Variants in AGAP1 observed in about 807,000 individuals in gnomAD.
AGAP1 encodes the protein arf-GAP with GTPase, ANK repeat and PH domain-containing protein 1.
AGAP1 carries 29 observed loss-of-function variants against 105.3 expected under a neutral mutation model. The ratio of observed to expected loss-of-function variants is 0.28; its 90% CI spans 0.21 to 0.38. The LOEUF is 0.38. Among genes scored for constraint, AGAP1 ranks in the 10% least tolerant of loss-of-function variants. The pLI is 1.00. For missense variants in AGAP1, 998 were observed against 1,165.1 expected (o/e 0.86, Z 2.09); for synonymous variants, 509 against 485.9 (o/e 1.05, Z -0.63).
chr2:235,936,708 G>C lies in AGAP1; in HGVS notation c.1483+5785G>C, dbSNP rs2053009292. Among the ~76,000 whole-genome samples, 1 of 152,160 alleles carries C rather than the reference G, an allele frequency of 6.6e-6. No homozygotes were observed. Among genetic ancestry groups the C allele is most frequent in the Non-Finnish European group, 1.5e-5 (1 of 68,038 alleles). Reference sequence around the variant, plus strand: ...GATACTGCCGGTCTCTGACCTGGAAGCTTCTTTGATGGGAGGGTATCAGTG... The same window carrying C: ...GATACTGCCGGTCTCTGACCTGGAACCTTCTTTGATGGGAGGGTATCAGTG... On this transcript the variant is annotated intron_variant, in intron 12 of 17. Coordinates refer to ENST00000304032, the MANE Select transcript of AGAP1 (RefSeq NM_001037131.3). This position sits in a 1 kb window ranked among gnomAD's most constrained non-coding sequence, Gnocchi z 4.7.
At chr2:235,616,839 A>G (rs1257949947) in intron 1 of AGAP1, among the ~76,000 whole-genome samples, 2 of 152,232 alleles carry the variant, frequency 1.3e-5, no homozygotes, top group Non-Finnish European at 2.9e-5. Flanking sequence ...ACACTTAGGA[A>G]ACGTACTTTT....
chr2:235,515,843 A>C (rs1942355743), intron 1 of AGAP1, among the ~76,000 whole-genome samples: 2 of 152,164 alleles, frequency 1.3e-5, no homozygotes, highest in Admixed American at 1.3e-4. Context: ...CAAATGCTAG[A>C]GGATGGTGTT....
At chr2:235,825,570 T>C (rs1959019445) in intron 9 of AGAP1, among the ~76,000 whole-genome samples, 1 of 152,296 alleles carries the variant, frequency 6.6e-6, no homozygotes, top group East Asian at 1.9e-4. Flanking sequence ...CTTTTAAAAG[T>C]AGATGGTAGT....
intron 1 of AGAP1, among the ~76,000 whole-genome samples, chr2:235,563,860 C>G (rs956799620): frequency 6.6e-6 from 1 of 152,100 alleles, no homozygotes; most frequent in Non-Finnish European, 1.5e-5. Flanking sequence ...GGTCTTGTTA[C>G]CCTCTTTTAC....
intron 16 of AGAP1, among the ~76,000 whole-genome samples, chr2:236,093,290 C>T (rs897296857): frequency 3.3e-5 from 5 of 152,150 alleles, no homozygotes; most frequent in Non-Finnish European, 5.9e-5. Flanking sequence ...GATATTCCAC[C>T]TCAAGGTGTC....
In AGAP1 at chr2:235,883,952, A is replaced by G. The variant is rs6759513; in HGVS notation, c.1155+503A>G. On this transcript the variant is annotated intron_variant, in intron 10 of 17. Coordinates refer to ENST00000304032, the MANE Select transcript of AGAP1 (RefSeq NM_001037131.3). The surrounding 1 kb of genome is among the most constrained non-coding windows in gnomAD (Gnocchi z 4.5). Reference sequence around the variant, plus strand: ...TCCTCTTTGTGTTATATGTAAGTTTATGTTACATATAAGTTTGTTATATCC... The same window carrying G: ...TCCTCTTTGTGTTATATGTAAGTTTGTGTTACATATAAGTTTGTTATATCC... Among the ~76,000 whole-genome samples the G allele has an allele frequency of 0.029, 4,429 of 152,296 alleles. 199 individuals carry two copies. The highest frequency in any genetic ancestry group is 0.095 in the African/African-American group (3,946 of 41,544).
At chr2:235,922,963 C>T (rs1036751741) in intron 11 of AGAP1, among the ~76,000 whole-genome samples, 1 of 152,172 alleles carries the variant, frequency 6.6e-6, no homozygotes, top group African/African-American at 2.4e-5. Flanking sequence ...TGGAAGCTTG[C>T]ACTAATCAAG....
At chr2:235,817,865 TG>T (rs1451431925) in intron 9 of AGAP1, among the ~76,000 whole-genome samples, 2 of 152,216 alleles carry the variant, frequency 1.3e-5, no homozygotes, top group African/African-American at 4.8e-5. Flanking sequence ...CACTCCAGCC[TG>T]GGCAACAGAG....
chr2:235,746,856 C>A (rs936670049), intron 5 of AGAP1, among the ~76,000 whole-genome samples: 4 of 152,066 alleles, frequency 2.6e-5, no homozygotes, highest in African/African-American at 7.2e-5. Context: ...GTGAAGTTCC[C>A]AGCCTGGAAA....
intron 16 of AGAP1, among the ~76,000 whole-genome samples, chr2:236,106,712 C>T (rs557355635): frequency 6.6e-6 from 1 of 152,278 alleles, no homozygotes; most frequent in Admixed American, 6.5e-5. Flanking sequence ...GCTCATTTTC[C>T]CACCTGCGTA....
In AGAP1 at chr2:236,046,136, A is replaced by G. The variant is rs2057711628; in HGVS notation, c.1892-2923A>G. On this transcript the variant is annotated intron_variant, in intron 15 of 17. Transcript: ENST00000304032. The surrounding 1 kb of genome is among the most constrained non-coding windows in gnomAD (Gnocchi z 5.2). ...GGCGGTGGGGTGGGCATAGGAACCA[A>G]ATCGGAGGTTCTGGTAAGAGCTTAG... 4.3e-5 allele frequency: 18 copies of G among 420,942 alleles called. No individual in the cohort carries two copies. Among genetic ancestry groups the G allele is most frequent in the South Asian group, 3.1e-4 (18 of 57,746 alleles). 26.1% of individuals were successfully genotyped at this position (420,942 alleles called of 1,614,324 possible). A position where few individuals can be genotyped will look rare whatever the true frequency, so the allele number is the denominator to read the frequency against.
Position 235,714,797 on chromosome 2 carries a change from T to C in AGAP1, c.223-2760T>C, listed in dbSNP as rs1951017994. On this transcript the variant is annotated intron_variant, in intron 2 of 17. Transcript: ENST00000304032. The surrounding 1 kb of genome is among the most constrained non-coding windows in gnomAD (Gnocchi z 4.1). ...TATGTTTGTTTGTTTTCTTTTTTGT[T>C]GTTGTTTTTGTTTTGTTTTGAGACA... 6.6e-6 allele frequency among the ~76,000 whole-genome samples: 1 copy of C among 152,086 alleles called. No homozygotes were observed. The highest frequency in any genetic ancestry group is 2.4e-5 in the African/African-American group (1 of 41,412).
chr2:235,543,091 T>TCC (rs1316081391), intron 1 of AGAP1, among the ~76,000 whole-genome samples: 115 of 39,954 alleles, frequency 2.9e-3, no homozygotes, highest in Admixed American at 5.7e-3. Flanking sequence ...TCCCGCCTCC[T>TCC]CCCCCTCCCC....
At chr2:236,098,184 C>A (rs2059242569) in intron 16 of AGAP1, among the ~76,000 whole-genome samples, 1 of 152,188 alleles carries the variant, frequency 6.6e-6, no homozygotes, top group South Asian at 2.1e-4. Flanking sequence ...GCTTTCGATT[C>A]TTTTGGGTAT....
rs186358354 is a variant in AGAP1 at position 236,028,766 on chromosome 2, G to T, written c.1646-7795G>T. On this transcript the variant is annotated intron_variant, in intron 13 of 17. Coordinates refer to ENST00000304032, the MANE Select transcript of AGAP1 (RefSeq NM_001037131.3). ...AAAAGCAGTTACAGTGGGTGTCCTTGTCTTGAGCATCCTGTAACTGAGTGT... is the reference window on the plus strand; with the variant it reads ...AAAAGCAGTTACAGTGGGTGTCCTTTTCTTGAGCATCCTGTAACTGAGTGT... Among the ~76,000 whole-genome samples the T allele has an allele frequency of 1.1e-3, 161 of 152,270 alleles. 1 individual carries two copies. In the East Asian group the frequency reaches 0.029, roughly 27 times the overall value.
rs1162223127 is a variant in AGAP1 at position 235,994,941 on chromosome 2, C to T, written c.1645+26318C>T. 1.3e-5 allele frequency among the ~76,000 whole-genome samples: 2 copies of T among 150,546 alleles called. No homozygotes were observed. The highest frequency in any genetic ancestry group is 3.0e-5 in the Non-Finnish European group (2 of 67,654). ...CATTAGCCAAGCGTGGTGGTAGGCG[C>T]CTGTAATCGCAGCTACTTGGGAGGC... is the stretch of plus-strand genomic sequence containing the variant. On this transcript the variant is annotated intron_variant, in intron 13 of 17. Transcript: ENST00000304032. The surrounding 1 kb of genome is among the most constrained non-coding windows in gnomAD (Gnocchi z 4.4).
intron 1 of AGAP1, chr2:235,670,261 T>C: frequency 2.0e-6 from 1 of 501,750 alleles, no homozygotes; most frequent in Non-Finnish European, 3.6e-6. Flanking sequence ...CACGCCCGGT[T>C]CGGCGGCCCC....
chr2:235,945,821 G>T (rs746424654), intron 12 of AGAP1, among the ~76,000 whole-genome samples: 1 of 121,734 alleles, frequency 8.2e-6, no homozygotes, highest in African/African-American at 5.8e-5. Flanking sequence ...CTTGGCTTCC[G>T]GGGGGGTGCC....
chr2:235,651,184 C>CAAAAAAAAAAAAAAAAAAAA (rs55990003), intron 1 of AGAP1, among the ~76,000 whole-genome samples: 1 of 54,112 alleles, frequency 1.8e-5, no homozygotes, highest in Non-Finnish European at 3.7e-5. Context: ...AACTCCATCT[C>CAAAAAAAAAAAAAAAAAAAA]AAAAAAAAAA....
Sources: gnomAD v4.1 joint callset for allele counts (sites outside exome capture counted in the v4.1 genomes callset) on GRCh38, gnomAD v4.1.1 for gene constraint, Gnocchi (gnomAD v3.1) non-coding constraint, MANE v1.5 for transcripts, NCBI Gene and HGNC (gene_info 2026-07-23, HGNC 2026-07-21) for gene names.